TBCK: variants seen among roughly 807,000 people sequenced by gnomAD.
The protein encoded by TBCK is TBC1 domain containing kinase, also known as TBC domain-containing protein kinase-like protein.
Under a neutral mutation model 113.4 loss-of-function variants are expected in TBCK, and 99 were observed. The observed-to-expected ratio is 0.87, with a 90% CI of 0.74 to 1.03. The LOEUF is 1.03. Among genes scored for constraint, TBCK ranks in the 50% least tolerant of loss-of-function variants. The probability of loss-of-function intolerance (pLI) is 0.00; values close to 1 mark genes in which losing one functional copy is unlikely to be tolerated. For synonymous variants in TBCK, 369 were observed against 370.8 expected, an observed-to-expected ratio of 1.00 and a Z score of 0.05; for missense variants, 1,045 against 1,061.3, an observed-to-expected ratio of 0.98 and a Z score of 0.21.
rs138997549 is a variant in TBCK at position 106,055,791 on chromosome 4, G to T, written c.2572-9111C>A. ...CAAGTTATTAATATATCTTTTAAGG[G>T]TCTTTTCAACAATCTCTGAAACAAA... On this transcript the variant is annotated intron_variant, in intron 25 of 25. Transcript: ENST00000394708. Among the ~76,000 whole-genome samples the T allele has an allele frequency of 1.5e-3, 230 of 151,172 alleles. 2 individuals carry two copies. Among genetic ancestry groups the T allele is most frequent in the African/African-American group, 5.4e-3 (224 of 41,322 alleles).
chr4:106,232,509 T>C (rs1236504320), intron 17 of TBCK, among the ~76,000 whole-genome samples: 2 of 148,422 alleles, frequency 1.3e-5, no homozygotes, highest in Non-Finnish European at 3.0e-5. Context: ...CCATTAAAGA[T>C]ACAAGAAAAA....
chr4:106,300,523 T>C (rs1455359010), intron 2 of TBCK, among the ~76,000 whole-genome samples: 1 of 152,222 alleles, frequency 6.6e-6, no homozygotes, highest in African/African-American at 2.4e-5. Context: ...GACTAGCTCA[T>C]CACCTTTAAA....
chr4:106,287,435 C>G (rs1579516915), intron 3 of TBCK, among the ~76,000 whole-genome samples: 1 of 152,136 alleles, frequency 6.6e-6, no homozygotes, highest in South Asian at 2.1e-4. Flanking sequence ...TAGTCAGCCT[C>G]CAGGATGGCC....
At chr4:106,287,591 C>G (rs1253498112) in intron 3 of TBCK, among the ~76,000 whole-genome samples, 1 of 152,190 alleles carries the variant, frequency 6.6e-6, no homozygotes, top group Non-Finnish European at 1.5e-5. Flanking sequence ...CACTAGGTTA[C>G]CAAAGCCACT....
At chr4:106,049,619 G>T (rs556321324) in intron 25 of TBCK, among the ~76,000 whole-genome samples, 1 of 151,940 alleles carries the variant, frequency 6.6e-6, no homozygotes, top group Non-Finnish European at 1.5e-5. Context: ...GGCATCTAGG[G>T]TATAGGGTTT....
chr4:106,083,058 C>T (rs1739081053), intron 25 of TBCK, among the ~76,000 whole-genome samples: 1 of 152,242 alleles, frequency 6.6e-6, no homozygotes, highest in African/African-American at 2.4e-5. Flanking sequence ...TCTGCTTAAG[C>T]CCACCTAACT....
chr4:106,098,507 C>G (rs1418387904), intron 24 of TBCK, among the ~76,000 whole-genome samples: 1 of 152,028 alleles, frequency 6.6e-6, no homozygotes, highest in Non-Finnish European at 1.5e-5. Flanking sequence ...TCCATAAACA[C>G]TAATTTTTAA....
At chr4:106,095,731 T>C (rs888790166) in intron 24 of TBCK, 90 bp from the exon 25 acceptor site, 2 of 1,159,924 alleles carry the variant, frequency 1.7e-6, no homozygotes, top group African/African-American at 3.1e-5. Context: ...TCCCAGAAGA[T>C]AGTACTAAAC....
At chr4:106,209,660 T>A (rs1755910290) in intron 20 of TBCK, among the ~76,000 whole-genome samples, 2 of 152,166 alleles carry the variant, frequency 1.3e-5, no homozygotes, top group African/African-American at 4.8e-5. Context: ...ATTGATTGTA[T>A]GGTCATCTCT....
intron 24 of TBCK, among the ~76,000 whole-genome samples, chr4:106,113,502 T>C (rs1377575487): frequency 6.6e-6 from 1 of 152,196 alleles, no homozygotes; most frequent in Admixed American, 6.5e-5. Context: ...TCCAAATGAA[T>C]TGTTAACATG....
chr4:106,116,600 GAA>G (rs1472075906), intron 23 of TBCK, among the ~76,000 whole-genome samples: 2 of 152,276 alleles, frequency 1.3e-5, no homozygotes, highest in South Asian at 4.2e-4. Flanking sequence ...AGCAGGAAGT[GAA>G]TGGTAAGCAA....
chr4:106,216,697 A>G (rs1192477639), intron 19 of TBCK, among the ~76,000 whole-genome samples: 1 of 152,170 alleles, frequency 6.6e-6, no homozygotes, highest in East Asian at 1.9e-4. Flanking sequence ...TAGACCAATA[A>G]CAGGATCTGA....
chr4:106,044,286 G>A lies in TBCK; in HGVS notation c.*2284C>T, dbSNP rs1206640956. On this transcript the variant is annotated 3_prime_UTR_variant, in exon 26 of 26. Transcript: ENST00000394708. ...GCATTCTGATTATGAACTCAGGTAA[G>A]TCATCAAAGACTGAAGGAAGAAAAT... The A allele has an allele frequency of 6.6e-6, 1 of 152,138 alleles. No individual in the cohort carries two copies. The highest frequency in any genetic ancestry group is 1.5e-5 in the Non-Finnish European group (1 of 68,042). The allele number at this position is 152,138 out of a possible 1,614,324, so 9.4% of individuals were successfully genotyped here. A position where few individuals can be genotyped will look rare whatever the true frequency, so the allele number is the denominator to read the frequency against.
chr4:106,214,124 G>T (rs1160878059), intron 19 of TBCK, among the ~76,000 whole-genome samples: 1 of 152,044 alleles, frequency 6.6e-6, no homozygotes, highest in Non-Finnish European at 1.5e-5. Context: ...ACCTCACACG[G>T]CAGGGTACTC....
intron 23 of TBCK, among the ~76,000 whole-genome samples, chr4:106,148,252 C>G (rs556358751): frequency 6.6e-6 from 1 of 152,202 alleles, no homozygotes; most frequent in African/African-American, 2.4e-5. Flanking sequence ...TTGTGGAGTA[C>G]GTGATCTCTG....
intron 22 of TBCK, among the ~76,000 whole-genome samples, chr4:106,180,096 T>C (rs762166930): frequency 2.0e-4 from 31 of 152,128 alleles, no homozygotes; most frequent in Non-Finnish European, 3.4e-4. Flanking sequence ...TCTCATCCCT[T>C]CACTTTTAGT....
At chr4:106,270,566 T>C (rs912638363) in intron 3 of TBCK, among the ~76,000 whole-genome samples, 7 of 152,190 alleles carry the variant, frequency 4.6e-5, no homozygotes, top group African/African-American at 1.7e-4. Flanking sequence ...AAGTTGTTTT[T>C]TAAATTAAAA....
At chr4:106,300,023 T>C (rs151199584) in intron 2 of TBCK, among the ~76,000 whole-genome samples, 85 of 152,280 alleles carry the variant, frequency 5.6e-4, no homozygotes, top group African/African-American at 1.6e-3. Flanking sequence ...TGGGAGGTAA[T>C]TGAATCACAG....
intron 22 of TBCK, among the ~76,000 whole-genome samples, chr4:106,172,396 C>T (rs566581449): frequency 1.9e-4 from 29 of 152,128 alleles, no homozygotes; most frequent in Non-Finnish European, 3.8e-4. Flanking sequence ...GAGAAGTTAG[C>T]CAGTCCTCTA....
Sources: gnomAD v4.1 joint callset for allele counts (sites outside exome capture counted in the v4.1 genomes callset) on GRCh38, gnomAD v4.1.1 for gene constraint, MANE v1.5 for transcripts, NCBI Gene and HGNC (gene_info 2026-07-23, HGNC 2026-07-21) for gene names.